BEST3: variants seen among roughly 807,000 people sequenced by gnomAD.
BEST3 encodes the protein bestrophin-3.
BEST3 carries 50 observed loss-of-function variants against 47.1 expected under a neutral mutation model. The ratio of observed to expected loss-of-function variants is 1.06; its 90% CI spans 0.85 to 1.34. The LOEUF (loss-of-function observed/expected upper bound fraction) is 1.34, where lower values mean the gene tolerates loss of function less well. BEST3 is among the 40% of genes most tolerant of loss of function. The pLI is 0.00. For missense variants in BEST3, 765 were observed against 817.0 expected (o/e 0.94, Z 0.78); for synonymous variants, 282 against 298.8 (o/e 0.94, Z 0.58).
chr12:69,644,436 T>C (rs1593120360), intron 9 of BEST3, among the ~76,000 whole-genome samples: 1 of 152,178 alleles, frequency 6.6e-6, no homozygotes, highest in Non-Finnish European at 1.5e-5. Context: ...TTATTTGAAA[T>C]AGGGGGAGGA....
downstream of BEST3, among the ~76,000 whole-genome samples, chr12:69,651,808 AAAATT>A (rs1405179741): frequency 6.6e-6 from 1 of 151,958 alleles, no homozygotes; most frequent in African/African-American, 2.4e-5. Flanking sequence ...AAGAAAGAAA[AAAATT>A]GAATTGATTT....
intron 1 of BEST3, among the ~76,000 whole-genome samples, chr12:69,698,430 T>C (rs775430): frequency 0.66 from 100,591 of 152,090 alleles, 33,760 homozygotes; most frequent in African/African-American, 0.77. Context: ...GCCTTGTTTT[T>C]GGTGAGTTCT....
In BEST3 at chr12:69,654,908, CA is replaced by C. The variant is rs1883359234; in HGVS notation, c.2005del (p.Ter669GlufsTer28). On this transcript the variant is annotated frameshift_variant and stop_lost, in exon 10 of 10. Coordinates refer to ENST00000330891, the MANE Select transcript of BEST3 (RefSeq NM_032735.3). LOFTEE classifies it high-confidence loss of function. ...CCAGGTCCTAGAACTTGGTGGCACT[CA>C]TTTGGGTGATTCCTCAGTTTCCTTG... The part of the protein sequence containing the change: ...LNKETEESPK[*>X] The C allele has an allele frequency of 1.2e-6, 2 of 1,608,218 alleles. No individual in the cohort carries two copies. The highest frequency in any genetic ancestry group is 2.7e-5 in the African/African-American group (2 of 74,670).
chr12:69,661,566 C>CAAAATGTACTCTTCAAAAATA (rs1883875227), intron 9 of BEST3: 4 of 152,120 alleles, frequency 2.6e-5, no homozygotes, highest in Non-Finnish European at 4.4e-5. Context: ...CCATCTGAGG[C>CAAAATGTACTCTTCAAAAATA]GCATGCGGCT....
intron 4 of BEST3, among the ~76,000 whole-genome samples, chr12:69,680,466 G>T (rs903294437): frequency 5.9e-5 from 9 of 151,784 alleles, no homozygotes; most frequent in Non-Finnish European, 1.0e-4. Context: ...CTGCCACCAC[G>T]CCCGGCTAAG....
chr12:69,653,505 A>T, downstream of BEST3: 1 of 492,320 alleles, frequency 2.0e-6, no homozygotes, highest in Non-Finnish European at 2.6e-6. Flanking sequence ...CAAATACCTT[A>T]CTTCTCTAAA....
chr12:69,647,239 G>C (rs1241599825), intron 9 of BEST3, among the ~76,000 whole-genome samples: 1 of 152,180 alleles, frequency 6.6e-6, no homozygotes, highest in Non-Finnish European at 1.5e-5. Context: ...AGTGTTGAAG[G>C]ATCCTGAACT....
chr12:69,680,138 T>C (rs1885155518), intron 4 of BEST3, among the ~76,000 whole-genome samples: 1 of 151,970 alleles, frequency 6.6e-6, no homozygotes, highest in Non-Finnish European at 1.5e-5. Flanking sequence ...GAAACTTTAA[T>C]TTTCCTCTGC....
rs923703609 is a variant in BEST3 at position 69,697,624 on chromosome 12, A to G, written c.152+23T>C. On this transcript the variant is annotated intron_variant, in intron 2 of 9. Transcript: ENST00000330891. ...TTACACAATATCTGATGGCCATTTA[A>G]GGAGACATGTAAAGAAAAGTACCTG... The G allele has an allele frequency of 8.5e-6, 13 of 1,521,186 alleles. No individual in the cohort carries two copies. The Admixed American group carries it at 1.9e-4, about 23-fold the overall frequency. 94.2% of individuals were successfully genotyped at this position (1,521,186 alleles called of 1,614,324 possible).
chr12:69,662,861 G>C (rs1311162108), intron 9 of BEST3, among the ~76,000 whole-genome samples: 4 of 152,208 alleles, frequency 2.6e-5, no homozygotes, highest in African/African-American at 9.6e-5. Context: ...GCAGTTTAAA[G>C]TTTACAGGCT....
chr12:69,691,319 T>G (rs1592375676), intron 4 of BEST3, among the ~76,000 whole-genome samples: 1 of 152,222 alleles, frequency 6.6e-6, no homozygotes, highest in East Asian at 1.9e-4. Context: ...TAAGTCCATT[T>G]TATGGATAAG....
chr12:69,689,471 C>G (rs754738604), intron 4 of BEST3, among the ~76,000 whole-genome samples: 1 of 152,136 alleles, frequency 6.6e-6, no homozygotes, highest in Non-Finnish European at 1.5e-5. Context: ...AACATCTTAT[C>G]CAGTATTTAC....
intron 4 of BEST3, chr12:69,684,497 A>T: frequency 1.7e-6 from 1 of 596,974 alleles, no homozygotes; most frequent in South Asian, 2.0e-5. Flanking sequence ...AAGTTGAGGC[A>T]GATGTCTTTT....
chr12:69,670,232 G>A, intron 9 of BEST3: 1 of 511,594 alleles, frequency 2.0e-6, no homozygotes, highest in Non-Finnish European at 3.5e-6. Flanking sequence ...TCCTATCCAT[G>A]GAAACTGAGA....
At chr12:69,644,322 C>T (rs752861496) in intron 9 of BEST3, among the ~76,000 whole-genome samples, 2 of 152,002 alleles carry the variant, frequency 1.3e-5, no homozygotes, top group East Asian at 1.9e-4. Context: ...CTTCACAGCT[C>T]GTTAAGAGAA....
At chr12:69,649,410 G>A (rs74102939), downstream of BEST3, among the ~76,000 whole-genome samples, 1,839 of 152,308 alleles carry the variant, frequency 0.012, 37 homozygotes, top group African/African-American at 0.042. Flanking sequence ...CATGAACCTC[G>A]GGGTTCAAAT....
At chr12:69,665,563 A>T (rs775505) in intron 9 of BEST3, among the ~76,000 whole-genome samples, 75,080 of 151,782 alleles carry the variant, frequency 0.49, 18,753 homozygotes, top group Admixed American at 0.63. Flanking sequence ...ACTGCACTCC[A>T]GCCTGGGTGA....
rs59611126 is a variant in BEST3 at position 69,684,981 on chromosome 12, GTTCTATTCTATTCTA to G, written c.482-6103_482-6089del. On this transcript the variant is annotated intron_variant, in intron 4 of 9. Transcript: ENST00000330891. ...CCTGCCACATGATGTGCTTTCTGCT[GTTCTATTCTATTCTA>G]TTCTATTCTATTCTATTCTATTCTA... Among the ~76,000 whole-genome samples the G allele has an allele frequency of 5.0e-3, 706 of 142,204 alleles. 1 individual carries two copies. The highest frequency in any genetic ancestry group is 8.9e-3 in the African/African-American group (342 of 38,514). 93.3% of individuals were successfully genotyped at this position (142,204 alleles called of 152,430 possible).
chr12:69,663,220 A>T (rs1302908756), intron 9 of BEST3, among the ~76,000 whole-genome samples: 3 of 152,262 alleles, frequency 2.0e-5, no homozygotes, highest in African/African-American at 7.2e-5. Flanking sequence ...ATGTGAAGAC[A>T]GGCATTCTAA....
Sources: allele counts gnomAD v4.1 joint callset (sites outside exome capture counted in the v4.1 genomes callset), GRCh38; gene constraint gnomAD v4.1.1; transcripts MANE v1.5; gene names NCBI Gene and HGNC (gene_info 2026-07-23, HGNC 2026-07-21).